CDKAL1: variants seen among roughly 807,000 people sequenced by gnomAD.
The protein encoded by CDKAL1 is CDKAL1 threonylcarbamoyladenosine tRNA methylthiotransferase, also known as threonylcarbamoyladenosine tRNA methylthiotransferase.
CDKAL1 carries 32 observed loss-of-function variants against 68.2 expected under a neutral mutation model. That is an observed-to-expected ratio of 0.47 (90% CI 0.35 to 0.63). The LOEUF is 0.63. Among genes scored for constraint, CDKAL1 ranks in the 30% least tolerant of loss-of-function variants. The pLI is 0.00. For synonymous variants in CDKAL1, 234 were observed against 244.3 expected, an observed-to-expected ratio of 0.96 and a Z score of 0.39; for missense variants, 606 against 696.7, an observed-to-expected ratio of 0.87 and a Z score of 1.47.
intron 12 of CDKAL1, among the ~76,000 whole-genome samples, chr6:21,094,680 T>C (rs1465028977): frequency 1.3e-5 from 2 of 152,214 alleles, no homozygotes; most frequent in Non-Finnish European, 2.9e-5. Flanking sequence ...ATGTTTATGG[T>C]CTTGGTTGTT....
At chr6:20,758,685 G>A (rs754773007) in intron 7 of CDKAL1, 42 bp downstream of exon 7, 1 of 1,457,250 alleles carries the variant, frequency 6.9e-7, no homozygotes, top group Non-Finnish European at 9.5e-7. Context: ...TATATTTTCT[G>A]AACTACATAG....
chr6:20,579,659 GC>G (rs1765062804), intron 4 of CDKAL1, among the ~76,000 whole-genome samples: 1 of 152,052 alleles, frequency 6.6e-6, no homozygotes, highest in Non-Finnish European at 1.5e-5. Flanking sequence ...TGCAAGTGGG[GC>G]TGGAATTCTA....
At chr6:20,631,886 T>A (rs998654098) in intron 4 of CDKAL1, among the ~76,000 whole-genome samples, 2 of 152,348 alleles carry the variant, frequency 1.3e-5, no homozygotes, top group Admixed American at 6.5e-5. Flanking sequence ...GGACCTGTTC[T>A]GTATAGCATG....
At chr6:21,174,326 A>G (rs956710684) in intron 13 of CDKAL1, among the ~76,000 whole-genome samples, 3 of 152,212 alleles carry the variant, frequency 2.0e-5, no homozygotes, top group African/African-American at 7.2e-5. Flanking sequence ...ATGTTATTCA[A>G]TAGAGTCGGT....
chr6:20,789,270 T>G (rs1775801742), intron 8 of CDKAL1, among the ~76,000 whole-genome samples: 1 of 152,214 alleles, frequency 6.6e-6, no homozygotes, highest in African/African-American at 2.4e-5. Context: ...ATTATACAAA[T>G]GAAATTTTAA....
intron 5 of CDKAL1, among the ~76,000 whole-genome samples, chr6:20,727,682 GGGGAAGGACAGGGAGATTTTTTT>G (rs1256638340): frequency 6.6e-6 from 1 of 152,148 alleles, no homozygotes; most frequent in Non-Finnish European, 1.5e-5. Context: ...TTAGTAAGAT[GGGGAAGGACAGGGAGATTTTTTT>G]CTGTGTCTGC....
At position 20,663,926 on chromosome 6, in the gene CDKAL1, A is replaced by T. The variant is rs184452069; in HGVS notation, c.371+14549A>T. Among the ~76,000 whole-genome samples the T allele has an allele frequency of 2.6e-4, 39 of 152,224 alleles. 1 individual carries two copies. In the East Asian group the frequency reaches 7.3e-3, roughly 29 times the overall value. ...AAAAATTTAGGTACAGCTGAAAAAT[A>T]CCACCTCTCACTAAGATGGAAATTT... On this transcript the variant is annotated intron_variant, in intron 5 of 15. Transcript: ENST00000274695.
At chr6:20,714,130 C>A in intron 5 of CDKAL1, among the ~76,000 whole-genome samples, 1 of 151,536 alleles carries the variant, frequency 6.6e-6, no homozygotes. Context: ...ATCATAATAA[C>A]ATGAAGGGCA....
chr6:20,947,915 G>T (rs1764331421), intron 9 of CDKAL1, among the ~76,000 whole-genome samples: 1 of 151,840 alleles, frequency 6.6e-6, no homozygotes, highest in Non-Finnish European at 1.5e-5. Flanking sequence ...TGTAAGTCGG[G>T]CATCATCTGT....
intron 13 of CDKAL1, among the ~76,000 whole-genome samples, chr6:21,123,490 G>A (rs1774831781): frequency 6.6e-6 from 1 of 152,082 alleles, no homozygotes; most frequent in South Asian, 2.1e-4. Context: ...GGAAAACTCT[G>A]AAGGTCTTTG....
chr6:20,748,939 C>T (rs1360247219), intron 6 of CDKAL1, among the ~76,000 whole-genome samples: 1 of 140,510 alleles, frequency 7.1e-6, no homozygotes, highest in Non-Finnish European at 1.6e-5. Flanking sequence ...TAAGAAAGTA[C>T]TTTGCATGTA....
At chr6:20,755,596 A>G (rs1025589182) in intron 6 of CDKAL1, among the ~76,000 whole-genome samples, 2 of 152,110 alleles carry the variant, frequency 1.3e-5, no homozygotes, top group Non-Finnish European at 2.9e-5. Context: ...CCATTCCACA[A>G]ATCTCTTAGT....
chr6:20,687,699 T>C (rs1019050666), intron 5 of CDKAL1, among the ~76,000 whole-genome samples: 1 of 152,088 alleles, frequency 6.6e-6, no homozygotes, highest in Non-Finnish European at 1.5e-5. Context: ...CTAATTTTTC[T>C]ATTTTTGGTA....
At chr6:20,687,085 T>C (rs1361939578) in intron 5 of CDKAL1, among the ~76,000 whole-genome samples, 2 of 152,206 alleles carry the variant, frequency 1.3e-5, no homozygotes, top group African/African-American at 4.8e-5. Context: ...CATTGTTATA[T>C]TTGATTTTCT....
chr6:20,644,858 G>T (rs1354315671), intron 4 of CDKAL1, among the ~76,000 whole-genome samples: 1 of 152,200 alleles, frequency 6.6e-6, no homozygotes, highest in Admixed American at 6.5e-5. Context: ...CTTAAGCACA[G>T]GAATTTGTTC....
At chr6:20,814,381 T>C (rs1776953208) in intron 8 of CDKAL1, among the ~76,000 whole-genome samples, 1 of 152,208 alleles carries the variant, frequency 6.6e-6, no homozygotes. Flanking sequence ...CTTCATTCTT[T>C]ATGACTTTTA....
intron 13 of CDKAL1, among the ~76,000 whole-genome samples, chr6:21,155,162 A>T (rs1776588790): frequency 6.6e-6 from 1 of 152,220 alleles, no homozygotes; most frequent in African/African-American, 2.4e-5. Flanking sequence ...AAATTTTATA[A>T]TTCGATTCCT....
rs539612487 is a variant in CDKAL1 at position 20,962,041 on chromosome 6, A to G, written c.909+6456A>G. Reference sequence around the variant, plus strand: ...GTATGAGAATTTTAGTGCATTACTTACAACCTGCGCCAGAGAGGGCAAACT... The same window carrying G: ...GTATGAGAATTTTAGTGCATTACTTGCAACCTGCGCCAGAGAGGGCAAACT... On this transcript the variant is annotated intron_variant, in intron 10 of 15. Coordinates refer to ENST00000274695, the MANE Select transcript of CDKAL1 (RefSeq NM_017774.3). Among the ~76,000 whole-genome samples the G allele has an allele frequency of 1.4e-4, 21 of 152,372 alleles. No homozygotes were observed. The East Asian group carries it at 3.3e-3, about 24-fold the overall frequency.
rs557105113 is a variant in CDKAL1, at chr6:20,805,088, A to G, written c.638+23823A>G. Among the ~76,000 whole-genome samples the G allele has an allele frequency of 2.6e-5, 4 of 152,308 alleles. No homozygotes were observed. The East Asian group carries it at 7.7e-4, about 29-fold the overall frequency. Reference sequence around the variant, plus strand: ...GAGTCTCTAATGACCTGCTCTAGGTAGAAAGATCATGTATGTGTGTTACTG... The same window carrying G: ...GAGTCTCTAATGACCTGCTCTAGGTGGAAAGATCATGTATGTGTGTTACTG... On this transcript the variant is annotated intron_variant, in intron 8 of 15. Transcript: ENST00000274695.
Sources: gnomAD v4.1 joint callset for allele counts (sites outside exome capture counted in the v4.1 genomes callset) on GRCh38, gnomAD v4.1.1 for gene constraint, MANE v1.5 for transcripts, NCBI Gene and HGNC (gene_info 2026-07-23, HGNC 2026-07-21) for gene names.